CRHR2: variants seen among roughly 807,000 people sequenced by gnomAD.
The protein encoded by CRHR2 is corticotropin-releasing hormone receptor 2.
A neutral mutation model predicts 57.9 loss-of-function variants in CRHR2; 53 were observed. That is an observed-to-expected ratio of 0.92 (90% confidence interval 0.73 to 1.15). CRHR2 has a LOEUF of 1.15. Ranked by LOEUF, CRHR2 falls within the 50% of genes most tolerant of loss-of-function variation. The pLI is 0.00. For synonymous variants in CRHR2, 213 were observed against 220.9 expected (o/e 0.96, Z 0.32); for missense variants, 532 against 542.6 (o/e 0.98, Z 0.19).
chr7:30,682,524 A>G (rs1784759361), upstream of CRHR2: 1 of 1,246,828 alleles, frequency 8.0e-7, no homozygotes, highest in Non-Finnish European at 1.0e-6. Context: ...GCCGCGGCCA[A>G]TGGCTGCGCC....
intron 2 of CRHR2, among the ~76,000 whole-genome samples, chr7:30,681,566 C>G (rs1784706154): frequency 6.6e-6 from 1 of 152,202 alleles, no homozygotes; most frequent in African/African-American, 2.4e-5. Flanking sequence ...GAAGCATTGT[C>G]TAAACAATGA....
At chr7:30,692,598 C>T (rs888242431) in intron 1 of CRHR2, among the ~76,000 whole-genome samples, 6 of 152,098 alleles carry the variant, frequency 3.9e-5, no homozygotes, top group African/African-American at 7.2e-5. Flanking sequence ...CAGAGGCAGG[C>T]GAGCCCAGGG....
In CRHR2 at chr7:30,653,645, T is replaced by G. The variant is rs1783669459; in HGVS notation, c.1096-45A>C. 1 of 1,558,006 alleles carries G rather than the reference T, an allele frequency of 6.4e-7. No homozygotes were observed. On this transcript the variant is annotated intron_variant, in intron 11 of 11. Coordinates refer to ENST00000471646, the MANE Select transcript of CRHR2 (RefSeq NM_001883.5). This position sits in a 1 kb window ranked among gnomAD's most constrained non-coding sequence, Gnocchi z 5.0. ...TCAGCTGGCTCCCAGGGACCAACCC[T>G]GGGCTTCTGGGACCATCCCCTCCTC...
At chr7:30,695,179 G>C (rs2128151908) in intron 1 of CRHR2, among the ~76,000 whole-genome samples, 1 of 151,904 alleles carries the variant, frequency 6.6e-6, no homozygotes, top group African/African-American at 2.4e-5. Flanking sequence ...CGAGGGGTGG[G>C]GTGTCAGATG....
At chr7:30,681,561 A>G (rs1784705994) in intron 2 of CRHR2, among the ~76,000 whole-genome samples, 1 of 152,188 alleles carries the variant, frequency 6.6e-6, no homozygotes, top group Non-Finnish European at 1.5e-5. Flanking sequence ...CAGGGGAAGC[A>G]TTGTCTAAAC....
chr7:30,673,214 CT>C lies in CRHR2; in HGVS notation c.230-5902del, dbSNP rs58334246. Among the ~76,000 whole-genome samples the C allele has an allele frequency of 9.2e-3, 1,345 of 146,408 alleles. 17 individuals are homozygous for C. Among genetic ancestry groups the C allele is most frequent in the African/African-American group, 0.028 (1,133 of 40,138 alleles). Reference sequence around the variant, plus strand: ...GACTTTGAGTCACCTTTCTTACCTACTTTTTTTTTTTTTGAGATGGGGTCTC... The same window carrying C: ...GACTTTGAGTCACCTTTCTTACCTACTTTTTTTTTTTTGAGATGGGGTCTC... On this transcript the variant is annotated intron_variant, in intron 2 of 11. Coordinates refer to ENST00000471646, the MANE Select transcript of CRHR2 (RefSeq NM_001883.5).
At chr7:30,676,606 C>A (rs1168579650) in intron 2 of CRHR2, among the ~76,000 whole-genome samples, 1 of 152,214 alleles carries the variant, frequency 6.6e-6, no homozygotes, top group Non-Finnish European at 1.5e-5. Flanking sequence ...GTCCACCAAG[C>A]CCCTCTTCCC....
chr7:30,677,419 A>G (rs919507740), intron 2 of CRHR2, among the ~76,000 whole-genome samples: 1 of 152,152 alleles, frequency 6.6e-6, no homozygotes, highest in Non-Finnish European at 1.5e-5. Context: ...TGGCCAAACC[A>G]CTTCCATGCT....
At chr7:30,689,399 G>A in intron 1 of CRHR2, 3 of 850,164 alleles carry the variant, frequency 3.5e-6, no homozygotes, top group Non-Finnish European at 5.7e-6. Context: ...GTACAGAGAG[G>A]GAGAACAAGG....
rs1377402411 is a variant in CRHR2 at position 30,653,507 on chromosome 7, G to A, written c.1189C>T (p.Pro397Ser). ...ATGCTGTGGAAGCTGATCCGTGTGG[G>A]TGATGTAGGGATGGACATGGCCCGG... is the stretch of plus-strand genomic sequence containing the variant. ...MARAMSIPTS[P>S]TRISFHSIKQ... is the part of the protein sequence containing the mutation. The change falls in exon 12 of 12, where the codon CCC (proline) becomes TCC (serine). Residue 397 changes from proline (P) to serine (S), a missense_variant. Transcript: ENST00000471646. This position sits in a 1 kb window ranked among gnomAD's most constrained non-coding sequence, Gnocchi z 5.0. The A allele has an allele frequency of 2.5e-6, 4 of 1,613,664 alleles. No individual in the cohort carries two copies. Among genetic ancestry groups the A allele is most frequent in the South Asian group, 1.1e-5 (1 of 91,076 alleles).
chr7:30,678,288 C>T (rs112776615), intron 2 of CRHR2, among the ~76,000 whole-genome samples: 1,901 of 152,360 alleles, frequency 0.012, 13 homozygotes, highest in Admixed American at 0.018. Context: ...TTGCTCCACA[C>T]CTCAGTTTCC....
At chr7:30,679,742 T>A (rs1281539962) in intron 2 of CRHR2, among the ~76,000 whole-genome samples, 1 of 152,204 alleles carries the variant, frequency 6.6e-6, no homozygotes, top group Non-Finnish European at 1.5e-5. Flanking sequence ...TTTCTCCCTC[T>A]GTCATTCTTT....
chr7:30,690,413 A>G (rs999119076), intron 1 of CRHR2, among the ~76,000 whole-genome samples: 3 of 65,866 alleles, frequency 4.6e-5, no homozygotes, highest in South Asian at 4.0e-4. Context: ...TTCTTGCTCT[A>G]TGGTCAGCGT....
At chr7:30,695,035 A>G (rs1785030257) in intron 1 of CRHR2, among the ~76,000 whole-genome samples, 1 of 126,180 alleles carries the variant, frequency 7.9e-6, no homozygotes, top group African/African-American at 3.0e-5. Context: ...GGGAGGAAGG[A>G]AGGATACAGG....
chr7:30,684,818 G>A (rs115247972), upstream of CRHR2, among the ~76,000 whole-genome samples: 96 of 152,312 alleles, frequency 6.3e-4, no homozygotes, highest in African/African-American at 2.3e-3. Context: ...TTTAGTGTCT[G>A]CAAACAGGCA....
At chr7:30,672,495 G>A (rs1267627515) in intron 2 of CRHR2, among the ~76,000 whole-genome samples, 1 of 152,216 alleles carries the variant, frequency 6.6e-6, no homozygotes, top group African/African-American at 2.4e-5. Context: ...AGGTTACTTG[G>A]GAACTCATTG....
At chr7:30,692,341 A>G (rs185870025) in intron 1 of CRHR2, among the ~76,000 whole-genome samples, 385 of 152,274 alleles carry the variant, frequency 2.5e-3, no homozygotes, top group African/African-American at 8.7e-3. Context: ...CTCTCCAGTC[A>G]GTGTGGGACT....
At chr7:30,683,623 C>A, upstream of CRHR2, among the ~76,000 whole-genome samples, 1 of 152,206 alleles carries the variant, frequency 6.6e-6, no homozygotes, top group East Asian at 1.9e-4. Flanking sequence ...GTACCCCAGG[C>A]AGGATGCTTG....
chr7:30,652,681 C>A lies in CRHR2; in HGVS notation c.*779G>T, dbSNP rs1783632877. 6.6e-6 allele frequency: 1 copy of A among 152,404 alleles called. No homozygotes were observed. The highest frequency in any genetic ancestry group is 2.4e-5 in the African/African-American group (1 of 41,470). The allele number at this position is 152,404 out of a possible 1,614,324, so 9.4% of individuals were successfully genotyped here. A position where few individuals can be genotyped will look rare whatever the true frequency, so the allele number is the denominator to read the frequency against. The stretch of plus-strand genomic sequence containing the variant: ...GGGTATGAGTTTCAATCACTGAAGA[C>A]ATGGTTGGTTTCTGCTATTCCCATC... On this transcript the variant is annotated 3_prime_UTR_variant, in exon 12 of 12. Transcript: ENST00000471646. This position sits in a 1 kb window ranked among gnomAD's most constrained non-coding sequence, Gnocchi z 4.4.
Sources: gnomAD v4.1 joint callset for allele counts (sites outside exome capture counted in the v4.1 genomes callset) on GRCh38, gnomAD v4.1.1 for gene constraint, Gnocchi (gnomAD v3.1) non-coding constraint, MANE v1.5 for transcripts, NCBI Gene and HGNC (gene_info 2026-07-23, HGNC 2026-07-21) for gene names.